The following SLC43A1 variants were observed in gnomAD, a reference collection of about 807,000 sequenced individuals.
SLC43A1 encodes large neutral amino acids transporter small subunit 3.
Under a neutral mutation model 59.5 loss-of-function variants are expected in SLC43A1, and 31 were observed. The ratio of observed to expected loss-of-function variants is 0.52; its 90% confidence interval spans 0.39 to 0.70. The LOEUF (loss-of-function observed/expected upper bound fraction) is 0.70. SLC43A1 is among the 30% of genes least tolerant of loss of function. The pLI, the probability that SLC43A1 is intolerant of heterozygous loss-of-function variation, is 0.00. For missense variants in SLC43A1, 598 were observed against 717.8 expected, an observed-to-expected ratio of 0.83 and a Z score of 1.91; for synonymous variants, 259 against 290.9, an observed-to-expected ratio of 0.89 and a Z score of 1.12.
chr11:57,505,810 C>T (rs1021935268), intron 2 of SLC43A1, among the ~76,000 whole-genome samples: 4 of 152,008 alleles, frequency 2.6e-5, no homozygotes, highest in African/African-American at 4.8e-5. Context: ...CTGGAAGAGC[C>T]GGGTTCAAAT....
rs1200497153 is a variant in SLC43A1, at chr11:57,500,978, G to C, written c.388+10C>G. On this transcript the variant is annotated intron_variant, in intron 4 of 14. Transcript: ENST00000278426. ...TTTCTTGTGGGGCCACAAGAGGACA[G>C]ACAACTCACCTTCCACGTCCCGGGA... is the stretch of plus-strand genomic sequence containing the variant. 3 of 1,598,312 alleles carry C rather than the reference G, an allele frequency of 1.9e-6. No individual in the cohort carries two copies. In the Admixed American group the frequency reaches 5.3e-5, roughly 28 times the overall value.
chr11:57,511,044 T>G (rs1944528338), intron 2 of SLC43A1, among the ~76,000 whole-genome samples: 1 of 152,138 alleles, frequency 6.6e-6, no homozygotes, highest in Non-Finnish European at 1.5e-5. Context: ...GAAAACAATT[T>G]GGTAGCTCCT....
Position 57,514,697 on chromosome 11 carries a change from GGCCAA to G in SLC43A1, c.-13-578_-13-574del, listed in dbSNP as rs936580225. On this transcript the variant is annotated intron_variant, in intron 1 of 14. Transcript: ENST00000278426. The surrounding 1 kb of genome is among the most constrained non-coding windows in gnomAD (Gnocchi z 5.5). Reference sequence around the variant, plus strand: ...TGACCCACGACCCTACAGTCTCTCGGGCCAAGCCAACAGCTGCCACGTGGAGGGAG... The same window carrying G: ...TGACCCACGACCCTACAGTCTCTCGGGCCAACAGCTGCCACGTGGAGGGAG... The G allele has an allele frequency of 9.1e-6, 4 of 439,140 alleles. No individual in the cohort carries two copies. The highest frequency in any genetic ancestry group is 1.9e-4 in the South Asian group (2 of 10,486). 27.2% of individuals were successfully genotyped at this position (439,140 alleles called of 1,614,324 possible).
At chr11:57,489,492 G>A (rs2135150152) in intron 11 of SLC43A1, 100 bp from the exon 12 acceptor site, 4 of 1,402,752 alleles carry the variant, frequency 2.9e-6, no homozygotes, top group Non-Finnish European at 2.9e-6. Flanking sequence ...TTCGATGTCA[G>A]GGCAGCAGAA....
chr11:57,507,096 G>C (rs956441254), intron 2 of SLC43A1, among the ~76,000 whole-genome samples: 24 of 152,182 alleles, frequency 1.6e-4, no homozygotes, highest in Non-Finnish European at 1.5e-4. Flanking sequence ...GGGAGGCTGA[G>C]GTGGGAAGAT....
At chr11:57,501,087 C>A (rs754000913) in intron 3 of SLC43A1, 44 bp from the exon 4 acceptor site, 4 of 1,607,276 alleles carry the variant, frequency 2.5e-6, no homozygotes, top group Non-Finnish European at 3.4e-6. Context: ...CTGTGAGCAC[C>A]CCCCCTCCCC....
Position 57,484,830 on chromosome 11 carries a change from T to G in SLC43A1, c.*266A>C. On this transcript the variant is annotated 3_prime_UTR_variant, in exon 15 of 15. Coordinates refer to ENST00000278426, the MANE Select transcript of SLC43A1 (RefSeq NM_003627.6). Reference sequence around the variant, plus strand: ...TAGAAGGAGATAAGAGGCACCCTGGTCTCCTCCAACCCAAGGAGGAAGAAG... The same window carrying G: ...TAGAAGGAGATAAGAGGCACCCTGGGCTCCTCCAACCCAAGGAGGAAGAAG... 5.6e-6 allele frequency: 2 copies of G among 358,382 alleles called. No homozygotes were observed. The highest frequency in any genetic ancestry group is 4.2e-5 in the South Asian group (1 of 23,782). 22.2% of individuals were successfully genotyped at this position (358,382 alleles called of 1,614,324 possible).
At chr11:57,504,197 A>AAAAAAT (rs1034281510) in intron 2 of SLC43A1, among the ~76,000 whole-genome samples, 2 of 152,188 alleles carry the variant, frequency 1.3e-5, no homozygotes, top group African/African-American at 2.4e-5. Flanking sequence ...ACTCCGTCTC[A>AAAAAAT]AAAAATAAAA....
intron 5 of SLC43A1, among the ~76,000 whole-genome samples, chr11:57,499,881 G>A (rs1283319155): frequency 6.6e-6 from 1 of 152,104 alleles, no homozygotes; most frequent in Non-Finnish European, 1.5e-5. Flanking sequence ...AAGTTGCACA[G>A]CAGGGAGAAG....
At chr11:57,491,472 A>C in intron 10 of SLC43A1, 110 bp from the exon 11 acceptor site, 1 of 1,566,474 alleles carries the variant, frequency 6.4e-7, no homozygotes, top group Non-Finnish European at 8.7e-7. Context: ...CTGAACCCAG[A>C]CTCTTACATC....
In SLC43A1 at chr11:57,491,823, A is replaced by C. The variant is rs775099495; in HGVS notation, c.911T>G (p.Phe304Cys). 9.9e-6 allele frequency: 16 copies of C among 1,614,008 alleles called. No individual in the cohort carries two copies. The highest frequency in any genetic ancestry group is 1.3e-5 in the African/African-American group (1 of 74,924). The change falls in exon 9 of 15, where the codon TTC becomes TGC. Residue 304 changes from phenylalanine to cysteine, a missense_variant. Coordinates refer to ENST00000278426, the MANE Select transcript of SLC43A1 (RefSeq NM_003627.6). ...PLRKSLCSPT[F>C]LWSLLTMGMT... ...GCCCATGGTGAGGAGGCTCCACAGG[A>C]AAGTGGGGGAGCAGAGGCTCTTGCG...
rs770993180 is a variant in SLC43A1 at position 57,514,049 on chromosome 11, C to T, written c.63G>A (p.Leu21=). ...RRWWMACTAV[L]ENLFFSAVLL... ...GTACAGCAGAGAAGAAGAGGTTCTC[C>T]AGCACAGCCGTGCAGGCCATCCACC... Residue 21 remains leucine (L), a synonymous_variant, in exon 2 of 15, where the codon CTG becomes CTA. Coordinates refer to ENST00000278426, the MANE Select transcript of SLC43A1 (RefSeq NM_003627.6). This position sits in a 1 kb window ranked among gnomAD's most constrained non-coding sequence, Gnocchi z 5.5. The T allele has an allele frequency of 1.7e-5, 27 of 1,608,732 alleles. No homozygotes were observed. The highest frequency in any genetic ancestry group is 2.2e-5 in the Non-Finnish European group (26 of 1,177,612).
At chr11:57,499,184 C>G (rs1476359677) in intron 5 of SLC43A1, among the ~76,000 whole-genome samples, 2 of 152,036 alleles carry the variant, frequency 1.3e-5, no homozygotes, top group Non-Finnish European at 2.9e-5. Flanking sequence ...ATTAGCCGGG[C>G]GTGGAGGCGT....
chr11:57,514,344 T>A lies in SLC43A1; in HGVS notation c.-13-220A>T, dbSNP rs1170096064. 3.6e-6 allele frequency: 2 copies of A among 556,916 alleles called. No homozygotes were observed. The highest frequency in any genetic ancestry group is 6.3e-6 in the Non-Finnish European group (2 of 317,110). 34.5% of individuals were successfully genotyped at this position (556,916 alleles called of 1,614,324 possible). A position where few individuals can be genotyped will look rare whatever the true frequency, so the allele number is the denominator to read the frequency against. On this transcript the variant is annotated intron_variant, in intron 1 of 14. Transcript: ENST00000278426. This position sits in a 1 kb window ranked among gnomAD's most constrained non-coding sequence, Gnocchi z 5.5. ...GCACGGGGCTCCCGCTGAGCCACTA[T>A]CGGAAACAAGGAAGGTCCTGTCTGC...
intron 8 of SLC43A1, 57 bp from the exon 9 acceptor site, chr11:57,491,919 G>T (rs1412975601): frequency 4.5e-6 from 7 of 1,559,562 alleles, no homozygotes; most frequent in Non-Finnish European, 6.1e-6. Context: ...CCCTCTGATT[G>T]TCCCAGCTCA....
chr11:57,487,974 G>T (rs529153584), intron 13 of SLC43A1, among the ~76,000 whole-genome samples: 29 of 152,254 alleles, frequency 1.9e-4, no homozygotes, highest in African/African-American at 7.0e-4. Flanking sequence ...GGAGCTAGAG[G>T]GGAGTGAAGT....
intron 8 of SLC43A1, among the ~76,000 whole-genome samples, chr11:57,493,689 C>CA (rs1943997105): frequency 6.6e-6 from 1 of 152,162 alleles, no homozygotes; most frequent in African/African-American, 2.4e-5. Flanking sequence ...GCAATAAGCT[C>CA]AGAGGTTGCA....
At chr11:57,504,999 C>G (rs1026839484) in intron 2 of SLC43A1, among the ~76,000 whole-genome samples, 1 of 152,170 alleles carries the variant, frequency 6.6e-6, no homozygotes, top group African/African-American at 2.4e-5. Context: ...TTAATGACAA[C>G]AGAAAAGGTC....
intron 2 of SLC43A1, among the ~76,000 whole-genome samples, chr11:57,513,296 C>T (rs1944599806): frequency 1.3e-5 from 2 of 152,222 alleles, no homozygotes; most frequent in South Asian, 2.1e-4. Context: ...ACAGCTCTCT[C>T]CTTCCCAGAA....
Sources: allele counts gnomAD v4.1 joint callset (sites outside exome capture counted in the v4.1 genomes callset), GRCh38; gene constraint gnomAD v4.1.1; non-coding constraint Gnocchi (gnomAD v3.1); transcripts MANE v1.5; gene names NCBI Gene and HGNC (gene_info 2026-07-23, HGNC 2026-07-21).